NDNF: variants seen among roughly 807,000 people sequenced by gnomAD.
NDNF encodes the protein protein NDNF.
Under a neutral mutation model 42.0 loss-of-function variants are expected in NDNF, and 16 were observed. The observed-to-expected ratio is 0.38, with a 90% CI of 0.26 to 0.58. The LOEUF is 0.58. NDNF is among the 20% of genes least tolerant of loss of function. NDNF has a pLI of 0.67. For missense variants in NDNF, 616 were observed against 666.2 expected (o/e 0.92, Z 0.83); for synonymous variants, 248 against 251.7 (o/e 0.99, Z 0.14).
intron 1 of NDNF, among the ~76,000 whole-genome samples, chr4:121,055,999 C>A (rs1428686616): frequency 6.6e-6 from 1 of 152,140 alleles, no homozygotes; most frequent in Non-Finnish European, 1.5e-5. Context: ...AAGACAGATA[C>A]AGAAGGTATG....
chr4:121,043,390 C>T (rs563869057), intron 2 of NDNF, among the ~76,000 whole-genome samples: 1 of 152,128 alleles, frequency 6.6e-6, no homozygotes, highest in Non-Finnish European at 1.5e-5. Context: ...ACATATTTCA[C>T]CCCTAGAAAT....
In NDNF at chr4:121,036,286, A is replaced by G. The variant is rs938378748; in HGVS notation, c.1685T>C (p.Val562Ala). 3 of 1,601,358 alleles carry G rather than the reference A, an allele frequency of 1.9e-6. No individual in the cohort carries two copies. Among genetic ancestry groups the G allele is most frequent in the Non-Finnish European group, 1.7e-6 (2 of 1,176,508 alleles). The change falls in exon 4 of 4, where the codon GTG (valine) becomes GCG (alanine). Residue 562 changes from valine to alanine, a missense_variant. Val to Ala is a moderately conservative substitution (Grantham distance 64, BLOSUM62 0). Coordinates refer to ENST00000379692, the MANE Select transcript of NDNF (RefSeq NM_024574.4). ...TAACTAACAGAACTTTCTAGTTTTC[A>G]CAACCTTACTCTGATACTTTACAGA... Reference protein sequence around the residue: ...GHSVKYQSKVVKTRKFC With the variant: ...GHSVKYQSKVAKTRKFC
chr4:121,042,194 A>G (rs1727010376), intron 2 of NDNF, among the ~76,000 whole-genome samples: 1 of 152,228 alleles, frequency 6.6e-6, no homozygotes, highest in African/African-American at 2.4e-5. Context: ...AGCAATTAGC[A>G]CAGGTTTCTG....
intron 1 of NDNF, among the ~76,000 whole-genome samples, chr4:121,058,183 A>G (rs748895900): frequency 1.4e-4 from 21 of 152,188 alleles, no homozygotes; most frequent in Admixed American, 3.9e-4. Flanking sequence ...TTGCTGAATT[A>G]TACTGTTTTC....
chr4:121,040,085 G>T (rs775863370), intron 2 of NDNF, 31 bp from the exon 3 acceptor site: 3 of 1,590,732 alleles, frequency 1.9e-6, no homozygotes, highest in Non-Finnish European at 2.6e-6. Flanking sequence ...TTAGACCGTG[G>T]TAATTCTTTC....
At chr4:121,038,723 A>G (rs1261289740) in intron 3 of NDNF, 1 of 152,188 alleles carries the variant, frequency 6.6e-6, no homozygotes, top group Non-Finnish European at 1.5e-5. Flanking sequence ...GCGGTGGCTC[A>G]CACCAGTAAT....
intron 1 of NDNF, among the ~76,000 whole-genome samples, chr4:121,067,182 T>C (rs1384304461): frequency 6.6e-6 from 1 of 152,186 alleles, no homozygotes; most frequent in Admixed American, 6.5e-5. Flanking sequence ...ACCTTACCAT[T>C]ATTCCTAAAA....
chr4:121,057,136 A>C (rs1727310447), intron 1 of NDNF, among the ~76,000 whole-genome samples: 1 of 152,166 alleles, frequency 6.6e-6, no homozygotes, highest in Non-Finnish European at 1.5e-5. Flanking sequence ...TAATATAATG[A>C]TCCCAGAGGG....
chr4:121,049,039 CT>C (rs1156373709), intron 1 of NDNF, among the ~76,000 whole-genome samples: 3 of 152,084 alleles, frequency 2.0e-5, no homozygotes, highest in Admixed American at 2.0e-4. Context: ...ACAGTAAATA[CT>C]ATCTGATGTA....
In NDNF at chr4:121,036,306, T is replaced by G. The variant is rs747517978; in HGVS notation, c.1665A>C (p.Val555=). The G allele has an allele frequency of 6.2e-7, 1 of 1,612,848 alleles. No individual in the cohort carries two copies. Among genetic ancestry groups the G allele is most frequent in the Non-Finnish European group, 8.5e-7 (1 of 1,179,550 alleles). The change falls in exon 4 of 4, where the codon GTA becomes GTC. Residue 555 remains valine, a synonymous_variant. Transcript: ENST00000379692. ...VYVIGHGGHS[V]KYQSKVVKTR... ...TTTTCACAACCTTACTCTGATACTT[T>G]ACAGAGTGCCCCCCATGTCCTATGA...
At chr4:121,040,172 T>G in intron 2 of NDNF, 118 bp from the exon 3 acceptor site, 2 of 1,034,390 alleles carry the variant, frequency 1.9e-6, no homozygotes, top group East Asian at 5.8e-5. Flanking sequence ...TTTATAAAAT[T>G]TTCATAAAAT....
At position 121,060,106 on chromosome 4, in the gene NDNF, A is replaced by G. The variant is rs147211706; in HGVS notation, c.-2+11887T>C. ...GGTATGAATGAAAGACATTGCCCAT[A>G]TCCTTTCTTTTTCTAAGAACTATTA... On this transcript the variant is annotated intron_variant, in intron 1 of 3. Transcript: ENST00000379692. 2.9e-3 allele frequency among the ~76,000 whole-genome samples: 442 copies of G among 152,264 alleles called. 10 individuals carry two copies. In the East Asian group the frequency reaches 0.035, roughly 12 times the overall value.
chr4:121,045,126 G>T (rs1210823748), intron 2 of NDNF, among the ~76,000 whole-genome samples: 1 of 152,228 alleles, frequency 6.6e-6, no homozygotes, highest in African/African-American at 2.4e-5. Context: ...GCCAAAGAGG[G>T]CGGATCACGA....
chr4:121,056,643 A>G (rs2148769323), intron 1 of NDNF, among the ~76,000 whole-genome samples: 1 of 152,334 alleles, frequency 6.6e-6, no homozygotes, highest in Non-Finnish European at 1.5e-5. Flanking sequence ...CATATTTTCC[A>G]TCTATCTCAG....
intron 2 of NDNF, among the ~76,000 whole-genome samples, chr4:121,044,777 C>T (rs557101533): frequency 1.3e-5 from 2 of 152,022 alleles, no homozygotes; most frequent in Non-Finnish European, 2.9e-5. Context: ...CCAGCCTGGG[C>T]AACATAGTGA....
intron 1 of NDNF, among the ~76,000 whole-genome samples, chr4:121,063,863 T>C (rs907572872): frequency 1.5e-4 from 23 of 152,204 alleles, no homozygotes; most frequent in African/African-American, 5.3e-4. Flanking sequence ...GAACTGGTGC[T>C]TTTTACTCTC....
chr4:121,071,967 G>C (rs921731163), intron 1 of NDNF, 26 bp downstream of exon 1: 23 of 152,122 alleles, frequency 1.5e-4, no homozygotes, highest in African/African-American at 4.3e-4. Context: ...GGGTCTCTGG[G>C]GCATTGCTTT....
intron 1 of NDNF, among the ~76,000 whole-genome samples, chr4:121,053,645 C>T (rs1042332823): frequency 2.0e-5 from 3 of 152,092 alleles, no homozygotes; most frequent in Non-Finnish European, 2.9e-5. Flanking sequence ...TGGGAGAATG[C>T]AAAGAAAAAC....
chr4:121,049,281 A>G (rs114507985), intron 1 of NDNF, among the ~76,000 whole-genome samples: 3,125 of 152,308 alleles, frequency 0.021, 53 homozygotes, highest in Middle Eastern at 0.051. Context: ...TTTCAAGGAT[A>G]TTTGTATAGT....
Sources: allele counts gnomAD v4.1 joint callset (sites outside exome capture counted in the v4.1 genomes callset), GRCh38; gene constraint gnomAD v4.1.1; transcripts MANE v1.5; gene names NCBI Gene and HGNC (gene_info 2026-07-23, HGNC 2026-07-21).